Variants in WDR3 observed in about 807,000 individuals in gnomAD.
WDR3 encodes the protein WD repeat domain 3.
A neutral mutation model predicts 123.7 loss-of-function variants in WDR3; 81 were observed. The observed-to-expected ratio is 0.65, with a 90% CI of 0.55 to 0.79. The LOEUF is 0.79. WDR3 is among the 30% of genes least tolerant of loss of function. WDR3 has a pLI of 0.00. For missense variants in WDR3, 1,027 were observed against 1,123.2 expected, an observed-to-expected ratio of 0.91 and a Z score of 1.22; for synonymous variants, 390 against 388.8, an observed-to-expected ratio of 1.00 and a Z score of -0.04.
chr1:117,963,716 T>A lies in WDR3; in HGVS notation c.*4269T>A. 8 of 1,332,356 alleles carry A rather than the reference T, an allele frequency of 6.0e-6. No homozygotes were observed. Among genetic ancestry groups the A allele is most frequent in the Non-Finnish European group, 7.2e-6 (7 of 972,946 alleles). 82.5% of individuals were successfully genotyped at this position (1,332,356 alleles called of 1,614,324 possible). A position where few individuals can be genotyped will look rare whatever the true frequency, so the allele number is the denominator to read the frequency against. The stretch of plus-strand genomic sequence containing the variant: ...CAGGTGGCTTATAGGTTTCTGACTA[T>A]AAGAAGAGGGGAAGAAACCTGGGGT... On this transcript the variant is annotated 3_prime_UTR_variant, in exon 27 of 27. Transcript: ENST00000349139.
chr1:117,935,751 G>A (rs1045815405), intron 3 of WDR3, among the ~76,000 whole-genome samples: 18 of 152,066 alleles, frequency 1.2e-4, no homozygotes, highest in African/African-American at 3.9e-4. Flanking sequence ...GGTAGAAAAG[G>A]ACTTTATTAG....
At chr1:117,940,982 TG>T in intron 7 of WDR3, 42 bp downstream of exon 7, 1 of 1,591,170 alleles carries the variant, frequency 6.3e-7, no homozygotes, top group South Asian at 1.1e-5. Context: ...TGTTGAATAA[TG>T]GGAAAGTAAG....
At chr1:117,948,991 T>G (rs1651507344) in intron 13 of WDR3, among the ~76,000 whole-genome samples, 1 of 152,186 alleles carries the variant, frequency 6.6e-6, no homozygotes. Context: ...GATTTTTTTT[T>G]TTGACAACAC....
Position 117,946,082 on chromosome 1 carries a change from A to G in WDR3, c.1329-4A>G, listed in dbSNP as rs773144211. The G allele has an allele frequency of 3.8e-6, 6 of 1,588,420 alleles. No individual in the cohort carries two copies. Among genetic ancestry groups the G allele is most frequent in the Non-Finnish European group, 5.1e-6 (6 of 1,168,408 alleles). On this transcript the variant is annotated splice_region_variant and splice_polypyrimidine_tract_variant and intron_variant, in intron 11 of 26. Coordinates refer to ENST00000349139, the MANE Select transcript of WDR3 (RefSeq NM_006784.3). ...ATGAGTTCTTTATTTTTTCTTTCTC[A>G]TAGGTCTACACTGCAGTGTATTCGC...
Position 117,943,458 on chromosome 1 carries a change from A to T in WDR3, c.1160A>T (p.Asn387Ile). 6.2e-7 allele frequency: 1 copy of T among 1,614,030 alleles called. No individual in the cohort carries two copies. Among genetic ancestry groups the T allele is most frequent in the Non-Finnish European group, 8.5e-7 (1 of 1,180,008 alleles). ...ELKAVFLLQNNLVELYSLNPS... is the reference protein window; with the variant it reads ...ELKAVFLLQNILVELYSLNPS... ...AAGGCTGTCTTCCTGCTGCAGAACA[A>T]CCTGGTGGAATTGTATTCACTGAAT... Residue 387 changes from asparagine (N) to isoleucine (I), a missense_variant, in exon 11 of 27, where the codon AAC becomes ATC. Coordinates refer to ENST00000349139, the MANE Select transcript of WDR3 (RefSeq NM_006784.3).
chr1:117,958,919 T>C lies in WDR3; in HGVS notation c.2592T>C (p.Phe864=), dbSNP rs755081505. Residue 864 remains phenylalanine, a synonymous_variant, in exon 26 of 27, where the codon TTT becomes TTC. Transcript: ENST00000349139. ...RCLFFLLRIH[F]GQITSNQMLV... ...TTTGTTTTTCTATCAGGATTCACTT[T>C]GGACAGATCACTAGCAATCAAATGC... 1 of 1,613,926 alleles carries C rather than the reference T, an allele frequency of 6.2e-7. No homozygotes were observed. The highest frequency in any genetic ancestry group is 1.1e-5 in the South Asian group (1 of 91,042).
At chr1:117,944,553 C>T (rs1372205293) in intron 11 of WDR3, among the ~76,000 whole-genome samples, 1 of 152,206 alleles carries the variant, frequency 6.6e-6, no homozygotes, top group African/African-American at 2.4e-5. Context: ...TTAAGCATTT[C>T]AAACTTTTAT....
intron 1 of WDR3, among the ~76,000 whole-genome samples, chr1:117,930,083 C>T (rs889588698): frequency 7.2e-5 from 11 of 152,236 alleles, no homozygotes; most frequent in African/African-American, 2.2e-4. Flanking sequence ...TCACCCTCCC[C>T]TGACCGAAGA....
chr1:117,962,456 G>T lies in WDR3; in HGVS notation c.*3009G>T, dbSNP rs1182331747. 1 of 151,504 alleles carries T rather than the reference G, an allele frequency of 6.6e-6. No homozygotes were observed. Among genetic ancestry groups the T allele is most frequent in the Non-Finnish European group, 1.5e-5 (1 of 67,960 alleles). 9.4% of individuals were successfully genotyped at this position (151,504 alleles called of 1,614,324 possible). On this transcript the variant is annotated 3_prime_UTR_variant, in exon 27 of 27. Coordinates refer to ENST00000349139, the MANE Select transcript of WDR3 (RefSeq NM_006784.3). ...GAAGTAAGTTACCTATAGAAATTCTGTAGTACCATAAAGAAAAGCCTTTTG... is the reference window on the plus strand; with the variant it reads ...GAAGTAAGTTACCTATAGAAATTCTTTAGTACCATAAAGAAAAGCCTTTTG...
In WDR3 at chr1:117,955,227, G is replaced by A. The variant is rs1652001224; in HGVS notation, c.2410-88G>A. ...ACTTTTTCTGAAGTAAGAAGGAGGG[G>A]TTCCTGTTTTATAGGAGATAGAAAT... is the stretch of plus-strand genomic sequence containing the variant. On this transcript the variant is annotated intron_variant, in intron 23 of 26. Transcript: ENST00000349139. 11 of 1,110,062 alleles carry A rather than the reference G, an allele frequency of 9.9e-6. No homozygotes were observed. The South Asian group carries it at 1.5e-4, about 15-fold the overall frequency. The allele number at this position is 1,110,062 out of a possible 1,614,324, so 68.8% of individuals were successfully genotyped here.
chr1:117,934,405 ATTCCTATGCTT>A, intron 2 of WDR3, 57 bp from the exon 3 acceptor site: 6 of 1,482,994 alleles, frequency 4.0e-6, no homozygotes, highest in Non-Finnish European at 5.6e-6. Flanking sequence ...GTGCCTGAGT[ATTCCTATGCTT>A]TTCCCTTGAG....
intron 26 of WDR3, 60 bp downstream of exon 26, chr1:117,959,063 AGTATAGTATGCTGTGCTTT>A: frequency 6.6e-7 from 1 of 1,520,370 alleles, no homozygotes; most frequent in Non-Finnish European, 9.1e-7. Flanking sequence ...ATTTAGAAAT[AGTATAGTATGCTGTGCTTT>A]GTCTTTAGCA....
chr1:117,945,785 T>A (rs1571016836), intron 11 of WDR3, among the ~76,000 whole-genome samples: 1 of 152,308 alleles, frequency 6.6e-6, no homozygotes, highest in Admixed American at 6.5e-5. Flanking sequence ...TTGTAATCCT[T>A]CAGACTCACT....
Position 117,952,302 on chromosome 1 carries a change from T to C in WDR3, c.1910T>C (p.Met637Thr), listed in dbSNP as rs1003626565. ...KSLFAHDDSV[M>T]YLQFVPKSHL... ...ATATTTCTGTCACTTTTCAGTGTGA[T>C]GTACCTACAGTTTGTACCCAAGTCT... is the stretch of plus-strand genomic sequence containing the variant. Residue 637 changes from methionine (M) to threonine (T), a missense_variant, in exon 18 of 27, where the codon ATG becomes ACG. By Grantham distance (81) the Met-to-Thr change is moderately conservative. Coordinates refer to ENST00000349139, the MANE Select transcript of WDR3 (RefSeq NM_006784.3). 6.2e-7 allele frequency: 1 copy of C among 1,609,298 alleles called. No individual in the cohort carries two copies. The highest frequency in any genetic ancestry group is 8.5e-7 in the Non-Finnish European group (1 of 1,177,632).
chr1:117,933,921 T>A (rs12079457), intron 2 of WDR3, among the ~76,000 whole-genome samples: 7,411 of 152,270 alleles, frequency 0.049, 424 homozygotes, highest in East Asian at 0.27. Context: ...AAAGTAGACT[T>A]TGATACTTTG....
rs760607549 is a variant in WDR3, at chr1:117,938,578, C to T, written c.579+20C>T. ...ACTGAGGTAAGTGTAGGGTCATGGG[C>T]CCAGGGAAATAATGGGAAGGCAAAA... On this transcript the variant is annotated intron_variant, in intron 5 of 26. Transcript: ENST00000349139. 1.2e-6 allele frequency: 2 copies of T among 1,603,856 alleles called. No homozygotes were observed. Among genetic ancestry groups the T allele is most frequent in the Non-Finnish European group, 1.7e-6 (2 of 1,175,608 alleles).
rs761813613 is a variant in WDR3 at position 117,939,483 on chromosome 1, G to A, written c.586G>A (p.Gly196Arg). 2 of 1,613,640 alleles carry A rather than the reference G, an allele frequency of 1.2e-6. No individual in the cohort carries two copies. The highest frequency in any genetic ancestry group is 8.5e-7 in the Non-Finnish European group (1 of 1,179,666). ...ATCTTTTTATATTCTATAGGTATGGGGGTTGGTTCTGTTGTCAGAAGAAAA... is the reference window on the plus strand; with the variant it reads ...ATCTTTTTATATTCTATAGGTATGGAGGTTGGTTCTGTTGTCAGAAGAAAA... ...TMVGHRTEVWGLVLLSEEKRL... is the reference protein window; with the variant it reads ...TMVGHRTEVWRLVLLSEEKRL... Residue 196 changes from glycine to arginine, a missense_variant, in exon 6 of 27, where the codon GGG becomes AGG. Gly to Arg is a moderately radical substitution (Grantham distance 125, BLOSUM62 -2). Transcript: ENST00000349139.
At chr1:117,953,092 T>G in intron 20 of WDR3, 96 bp downstream of exon 20, 1 of 1,416,918 alleles carries the variant, frequency 7.1e-7, no homozygotes, top group Non-Finnish European at 9.7e-7. Flanking sequence ...GAATTAAAAT[T>G]GAGGCTAGAA....
At chr1:117,936,670 G>A (rs1650954128) in intron 3 of WDR3, 99 bp from the exon 4 acceptor site, 1 of 911,748 alleles carries the variant, frequency 1.1e-6, no homozygotes, top group Non-Finnish European at 1.7e-6. Flanking sequence ...TGTAAGGACT[G>A]TGTATTGCCT....
Sources: gnomAD v4.1 joint callset for allele counts (sites outside exome capture counted in the v4.1 genomes callset) on GRCh38, gnomAD v4.1.1 for gene constraint, MANE v1.5 for transcripts, NCBI Gene and HGNC (gene_info 2026-07-23, HGNC 2026-07-21) for gene names.